The following POLA2 variants were observed in gnomAD, a reference collection of about 807,000 sequenced individuals.
POLA2 encodes DNA polymerase alpha subunit B.
In POLA2, 47 loss-of-function variants were observed where a neutral mutation model predicts 82.8. The observed-to-expected ratio is 0.57, with a 90% CI of 0.45 to 0.72. The LOEUF is 0.72. Ranked by LOEUF, POLA2 falls within the 30% of genes least tolerant of loss-of-function variation. POLA2 has a pLI of 0.00. For missense variants in POLA2, 634 were observed against 728.1 expected (o/e 0.87, Z 1.49); for synonymous variants, 287 against 286.8 (o/e 1.00, Z -0.01).
intron 10 of POLA2, among the ~76,000 whole-genome samples, chr11:65,282,814 C>T (rs1949655195): frequency 1.3e-5 from 2 of 152,098 alleles, no homozygotes; most frequent in South Asian, 2.1e-4. Context: ...AAAAGATGTA[C>T]GATTTCAAAA....
chr11:65,295,173 G>A (rs752180329), intron 15 of POLA2, among the ~76,000 whole-genome samples: 3 of 152,232 alleles, frequency 2.0e-5, no homozygotes, highest in African/African-American at 7.2e-5. Context: ...CGTGTGAAGC[G>A]AGACGGGTGC....
In POLA2 at chr11:65,275,846, T is replaced by C. The variant is rs768733284; in HGVS notation, c.355-46T>C. ...CAAGGTACTATACACTTAATTAGTA[T>C]TGGGTCTAGTAGGACTGAGATTTTG... On this transcript the variant is annotated intron_variant, in intron 4 of 17. Transcript: ENST00000265465. The C allele has an allele frequency of 6.9e-5, 74 of 1,067,932 alleles. 1 individual carries two copies. The South Asian group carries it at 8.5e-4, about 12-fold the overall frequency. 66.2% of individuals were successfully genotyped at this position (1,067,932 alleles called of 1,614,324 possible). A position where few individuals can be genotyped will look rare whatever the true frequency, so the allele number is the denominator to read the frequency against.
In POLA2 at chr11:65,262,188, G is replaced by T; in HGVS notation, c.-105G>T. The T allele has an allele frequency of 2.5e-6, 2 of 816,142 alleles. No individual in the cohort carries two copies. Among genetic ancestry groups the T allele is most frequent in the Non-Finnish European group, 2.0e-6 (1 of 490,850 alleles). The allele number at this position is 816,142 out of a possible 1,614,324, so 50.6% of individuals were successfully genotyped here. A position where few individuals can be genotyped will look rare whatever the true frequency, so the allele number is the denominator to read the frequency against. On this transcript the variant is annotated 5_prime_UTR_variant, in exon 1 of 18. Coordinates refer to ENST00000265465, the MANE Select transcript of POLA2 (RefSeq NM_002689.4). ...CTCCTGTCACGGTCCGCGGAGGGGGGAAGGATAAGAGGGCGAGGAGCTCAT... is the reference window on the plus strand; with the variant it reads ...CTCCTGTCACGGTCCGCGGAGGGGGTAAGGATAAGAGGGCGAGGAGCTCAT...
chr11:65,285,643 G>A (rs1489802356), intron 10 of POLA2, among the ~76,000 whole-genome samples: 2 of 151,968 alleles, frequency 1.3e-5, no homozygotes. Flanking sequence ...GTGGCATGCT[G>A]GTATTAGGTC....
At chr11:65,275,834 A>G in intron 4 of POLA2, 58 bp from the exon 5 acceptor site, 1 of 947,476 alleles carries the variant, frequency 1.1e-6, no homozygotes, top group South Asian at 1.4e-5. Flanking sequence ...GGTACTATAC[A>G]CTTAATTAGT....
At chr11:65,305,601 G>C, downstream of POLA2, 1 of 357,472 alleles carries the variant, frequency 2.8e-6, no homozygotes, top group Non-Finnish European at 5.5e-6. Flanking sequence ...TTAAGCCCAG[G>C]AGGTCGAGGC....
intron 10 of POLA2, among the ~76,000 whole-genome samples, chr11:65,283,726 G>A (rs1949665295): frequency 6.6e-6 from 1 of 151,922 alleles, no homozygotes; most frequent in Admixed American, 6.6e-5. Context: ...CGCCTGCCTT[G>A]GCCTCTCAAA....
intron 15 of POLA2, 159 bp downstream of exon 15, chr11:65,294,811 A>G (rs1250066446): frequency 1.9e-6 from 1 of 531,554 alleles, no homozygotes; most frequent in Non-Finnish European, 3.3e-6. Flanking sequence ...GTTTCTCTGT[A>G]CCCAAGGGGA....
At position 65,268,456 on chromosome 11, in the gene POLA2, A is replaced by T. The variant is rs547473068; in HGVS notation, c.297-216A>T. Reference sequence around the variant, plus strand: ...AAGCTCCGTCTCCTGGGTTCATGCCATTCTCCTGCCTCAGCCTCCCGAGTA... The same window carrying T: ...AAGCTCCGTCTCCTGGGTTCATGCCTTTCTCCTGCCTCAGCCTCCCGAGTA... On this transcript the variant is annotated intron_variant, in intron 3 of 17. Coordinates refer to ENST00000265465, the MANE Select transcript of POLA2 (RefSeq NM_002689.4). Among the ~76,000 whole-genome samples the T allele has an allele frequency of 3.3e-5, 5 of 150,426 alleles. No homozygotes were observed. In the South Asian group the frequency reaches 1.0e-3, roughly 31 times the overall value.
At chr11:65,270,337 C>T (rs1949509434) in intron 4 of POLA2, among the ~76,000 whole-genome samples, 1 of 152,144 alleles carries the variant, frequency 6.6e-6, no homozygotes, top group Admixed American at 6.6e-5. Context: ...GCCTGGATGA[C>T]AAAGTGAGAC....
downstream of POLA2, among the ~76,000 whole-genome samples, chr11:65,301,989 G>A (rs552463615): frequency 2.6e-5 from 4 of 152,224 alleles, no homozygotes; most frequent in African/African-American, 4.8e-5. Context: ...ATCCTGCCCC[G>A]CCTCTTCCCG....
chr11:65,302,667 G>C (rs1479572192), downstream of POLA2, among the ~76,000 whole-genome samples: 1 of 152,088 alleles, frequency 6.6e-6, no homozygotes, highest in African/African-American at 2.4e-5. Context: ...CAAGGGCTAG[G>C]GGTCAGGAGT....
At position 65,295,936 on chromosome 11, in the gene POLA2, G is replaced by C. The variant is rs566239271; in HGVS notation, c.1593G>C (p.Leu531=). ...DYESFYVYAQ[L]PVTPDVLIIP... is the part of the protein sequence containing the mutation. ...AGTCGTTCTATGTTTACGCACAGCT[G>C]CCTGTCACCCCAGATGTCCTCATCA... is the stretch of plus-strand genomic sequence containing the variant. The change falls in exon 17 of 18, where the codon CTG becomes CTC. Residue 531 remains leucine (L), a synonymous_variant. Transcript: ENST00000265465. 1.2e-6 allele frequency: 2 copies of C among 1,614,210 alleles called. No homozygotes were observed. Among genetic ancestry groups the C allele is most frequent in the East Asian group, 2.2e-5 (1 of 44,892 alleles).
At chr11:65,295,516 T>G in intron 15 of POLA2, 24 bp from the exon 16 acceptor site, 1 of 1,606,542 alleles carries the variant, frequency 6.2e-7, no homozygotes, top group Non-Finnish European at 8.5e-7. Context: ...GAGTTCTGTT[T>G]TCATGCTTTC....
chr11:65,290,956 T>C (rs1463136975), intron 13 of POLA2, among the ~76,000 whole-genome samples: 4 of 152,366 alleles, frequency 2.6e-5, no homozygotes, highest in Non-Finnish European at 5.9e-5. Flanking sequence ...GGTGGGGCCT[T>C]GAATCCTTGC....
At chr11:65,268,390 C>A (rs1364073052) in intron 3 of POLA2, among the ~76,000 whole-genome samples, 1 of 149,206 alleles carries the variant, frequency 6.7e-6, no homozygotes, top group Non-Finnish European at 1.5e-5. Context: ...CTCGCTGTGT[C>A]GCCCATGCTG....
intron 5 of POLA2, 27 bp downstream of exon 5, chr11:65,276,025 C>A: frequency 7.2e-7 from 1 of 1,390,472 alleles, no homozygotes; most frequent in Non-Finnish European, 1.0e-6. Context: ...ATTCAAGTGC[C>A]ATAAAGCTGG....
chr11:65,266,638 A>G lies in POLA2; in HGVS notation c.136A>G (p.Ile46Val). 6.2e-7 allele frequency: 1 copy of G among 1,614,088 alleles called. No individual in the cohort carries two copies. Among genetic ancestry groups the G allele is most frequent in the East Asian group, 2.2e-5 (1 of 44,888 alleles). The part of the protein sequence containing the change: ...QNEEGMVGEL[I>V]AFCTSTHKVG... ...TGAGGAGGGAATGGTAGGCGAGCTT[A>G]TAGCCTTCTGCACCAGCACACATAA... Residue 46 changes from isoleucine (I) to valine (V), a missense_variant, in exon 2 of 18, where the codon ATA becomes GTA. Coordinates refer to ENST00000265465, the MANE Select transcript of POLA2 (RefSeq NM_002689.4).
At chr11:65,267,857 T>C (rs1373379953) in intron 3 of POLA2, among the ~76,000 whole-genome samples, 1 of 151,680 alleles carries the variant, frequency 6.6e-6, no homozygotes, top group Non-Finnish European at 1.5e-5. Flanking sequence ...AATGGTGCAA[T>C]CTCAGCTCAC....
Sources: allele counts gnomAD v4.1 joint callset (sites outside exome capture counted in the v4.1 genomes callset), GRCh38; gene constraint gnomAD v4.1.1; transcripts MANE v1.5; gene names NCBI Gene and HGNC (gene_info 2026-07-23, HGNC 2026-07-21).